GNAS-AS1: variants seen among roughly 807,000 people sequenced by gnomAD.
The protein encoded by GNAS-AS1 is GNAS antisense RNA 1 (non-protein coding).
At chr20:58,839,934 C>T in intron 4 of GNAS-AS1, 1 of 654,134 alleles carries the variant, frequency 1.5e-6, no homozygotes, top group South Asian at 1.9e-5. Flanking sequence ...CTTAAGTGGT[C>T]AGGAAGGTAG....
At chr20:58,839,913 T>A in intron 4 of GNAS-AS1, 2 of 615,622 alleles carry the variant, frequency 3.2e-6, no homozygotes, top group Non-Finnish European at 5.7e-6. Context: ...GGCGCGGAGC[T>A]TTAGAAAGTT....
rs531794291 is a variant in GNAS-AS1 at position 58,845,889 on chromosome 20, G to T, written n.413+2990C>A. ...AGGACTCTGCCTGCAACTATTCCCGGGTAGAAATGGGGAGGCTGCCTTCCC... is the reference window on the plus strand; with the variant it reads ...AGGACTCTGCCTGCAACTATTCCCGTGTAGAAATGGGGAGGCTGCCTTCCC... On this transcript the variant is annotated intron_variant and non_coding_transcript_variant, in intron 2 of 4. Coordinates refer to ENST00000424094, the Ensembl canonical transcript of GNAS-AS1. Among the ~76,000 whole-genome samples the T allele has an allele frequency of 1.6e-4, 25 of 152,302 alleles. No homozygotes were observed. The South Asian group carries it at 4.1e-3, about 25-fold the overall frequency.
chr20:58,840,861 G>A lies in GNAS-AS1; in HGVS notation n.819+1076C>T. ...CGTCACTAATGGAGGACGCCGTCCAGATTCTCCTTGTTTTCATGGATTCAG... is the reference window on the plus strand; with the variant it reads ...CGTCACTAATGGAGGACGCCGTCCAAATTCTCCTTGTTTTCATGGATTCAG... On this transcript the variant is annotated intron_variant and non_coding_transcript_variant, in intron 4 of 4. Coordinates refer to ENST00000424094, the Ensembl canonical transcript of GNAS-AS1. The surrounding 1 kb of genome is among the most constrained non-coding windows in gnomAD (Gnocchi z 6.0). 1.9e-6 allele frequency: 3 copies of A among 1,612,864 alleles called. No individual in the cohort carries two copies. Among genetic ancestry groups the A allele is most frequent in the Non-Finnish European group, 2.5e-6 (3 of 1,179,988 alleles).
At chr20:58,842,416 T>C in intron 3 of GNAS-AS1, 1 of 398,570 alleles carries the variant, frequency 2.5e-6, no homozygotes, top group Admixed American at 4.4e-5. Flanking sequence ...AAAAGGATGA[T>C]GATAGAAGGA....
intron 4 of GNAS-AS1, among the ~76,000 whole-genome samples, chr20:58,830,418 C>T (rs1448745293): frequency 6.9e-6 from 1 of 145,936 alleles, no homozygotes; most frequent in Admixed American, 6.8e-5. Flanking sequence ...CCACCATCAC[C>T]ACCACCGCCA....
At chr20:58,847,085 T>A (rs2085967826) in intron 2 of GNAS-AS1, among the ~76,000 whole-genome samples, 1 of 152,174 alleles carries the variant, frequency 6.6e-6, no homozygotes, top group Non-Finnish European at 1.5e-5. Context: ...GCACAGGTGG[T>A]CAGAGGACAG....
At chr20:58,837,682 A>G (rs1021281636) in intron 4 of GNAS-AS1, among the ~76,000 whole-genome samples, 25 of 152,128 alleles carry the variant, frequency 1.6e-4, no homozygotes, top group African/African-American at 6.0e-4. Context: ...GCCTCAAGTG[A>G]CCCACCCGCC....
chr20:58,845,333 T>C (rs934291770), intron 2 of GNAS-AS1, among the ~76,000 whole-genome samples: 1 of 152,190 alleles, frequency 6.6e-6, no homozygotes, highest in Non-Finnish European at 1.5e-5. Flanking sequence ...TTTTTCATGA[T>C]CACTCCCCTC....
In GNAS-AS1 at chr20:58,840,854, C is replaced by T. The variant is rs547189576; in HGVS notation, n.819+1083G>A. Reference sequence around the variant, plus strand: ...CATCCGGCGTCACTAATGGAGGACGCCGTCCAGATTCTCCTTGTTTTCATG... The same window carrying T: ...CATCCGGCGTCACTAATGGAGGACGTCGTCCAGATTCTCCTTGTTTTCATG... On this transcript the variant is annotated intron_variant and non_coding_transcript_variant, in intron 4 of 4. Transcript: ENST00000424094. The surrounding 1 kb of genome is among the most constrained non-coding windows in gnomAD (Gnocchi z 6.0). The T allele has an allele frequency of 6.2e-7, 1 of 1,612,804 alleles. No individual in the cohort carries two copies. The highest frequency in any genetic ancestry group is 1.3e-5 in the African/African-American group (1 of 75,072).
In GNAS-AS1 at chr20:58,841,633, C is replaced by A. The variant is rs2085732573; in HGVS notation, n.819+304G>T. The stretch of plus-strand genomic sequence containing the variant: ...ACCTGCCCGCGCGCGCCGGAGCTGA[C>A]CTCTCCCGGCGGCGGGCGGTTAGGG... On this transcript the variant is annotated intron_variant and non_coding_transcript_variant, in intron 4 of 4. Transcript: ENST00000424094. This position sits in a 1 kb window ranked among gnomAD's most constrained non-coding sequence, Gnocchi z 5.0. 2 of 1,084,636 alleles carry A rather than the reference C, an allele frequency of 1.8e-6. No individual in the cohort carries two copies. Among genetic ancestry groups the A allele is most frequent in the African/African-American group, 1.6e-5 (1 of 60,840 alleles). The allele number at this position is 1,084,636 out of a possible 1,614,324, so 67.2% of individuals were successfully genotyped here. A position where few individuals can be genotyped will look rare whatever the true frequency, so the allele number is the denominator to read the frequency against.
exon 5 of GNAS-AS1, chr20:58,818,971 C>T (rs1600641027): frequency 5.0e-6 from 2 of 398,432 alleles, no homozygotes; most frequent in East Asian, 7.1e-5. Flanking sequence ...ACTAGATACG[C>T]CCCATCTCCA....
chr20:58,850,587 T>C, exon 1 of GNAS-AS1: 1 of 398,922 alleles, frequency 2.5e-6, no homozygotes, highest in Admixed American at 4.4e-5. Flanking sequence ...CATCCTGGGC[T>C]GCTCCTCGCA....
intron 4 of GNAS-AS1, chr20:58,839,941 G>A: frequency 3.0e-6 from 2 of 675,254 alleles, no homozygotes; most frequent in Non-Finnish European, 5.1e-6. Context: ...GGTCAGGAAG[G>A]TAGGTGCTTC....
intron 4 of GNAS-AS1, among the ~76,000 whole-genome samples, chr20:58,825,526 G>A (rs2085513645): frequency 6.6e-6 from 1 of 152,142 alleles, no homozygotes; most frequent in Non-Finnish European, 1.5e-5. Flanking sequence ...TTCAATAGCA[G>A]TTGTATAATT....
intron 4 of GNAS-AS1, among the ~76,000 whole-genome samples, chr20:58,830,490 CCAT>C (rs2085556321): frequency 3.5e-5 from 2 of 56,676 alleles, no homozygotes; most frequent in Admixed American, 1.5e-4. Flanking sequence ...ACCATCACCA[CCAT>C]CACCACCACA....
At chr20:58,824,805 AAG>A (rs1234102798) in intron 4 of GNAS-AS1, among the ~76,000 whole-genome samples, 1 of 152,178 alleles carries the variant, frequency 6.6e-6, no homozygotes, top group African/African-American at 2.4e-5. Flanking sequence ...GAACTTGATG[AAG>A]AGAGCATTGT....
chr20:58,839,258 C>T, intron 4 of GNAS-AS1: 1 of 398,626 alleles, frequency 2.5e-6, no homozygotes, highest in East Asian at 3.6e-5. Flanking sequence ...GTCACTATAA[C>T]AGATCTGCTA....
In GNAS-AS1 at chr20:58,835,588, C is replaced by T. The variant is rs1021133503; in HGVS notation, n.819+6349G>A. 3.3e-5 allele frequency among the ~76,000 whole-genome samples: 5 copies of T among 152,212 alleles called. No homozygotes were observed. The East Asian group carries it at 5.8e-4, about 18-fold the overall frequency. ...CTGTACCTCTGATTCTAACCAGTTA[C>T]TCAACTTCCCTCCCTGTCTATCTGG... On this transcript the variant is annotated intron_variant and non_coding_transcript_variant, in intron 4 of 4. Coordinates refer to ENST00000424094, the Ensembl canonical transcript of GNAS-AS1.
At chr20:58,846,680 C>T (rs2085951196) in intron 2 of GNAS-AS1, among the ~76,000 whole-genome samples, 2 of 152,220 alleles carry the variant, frequency 1.3e-5, no homozygotes, top group Non-Finnish European at 2.9e-5. Flanking sequence ...CGTTTCTTCT[C>T]CCCTCAACCC....
Sources: gnomAD v4.1 joint callset for allele counts (sites outside exome capture counted in the v4.1 genomes callset) on GRCh38, gnomAD v4.1.1 for gene constraint, Gnocchi (gnomAD v3.1) non-coding constraint, MANE v1.5 for transcripts, NCBI Gene and HGNC (gene_info 2026-07-23, HGNC 2026-07-21) for gene names.